Variants in ESPNL observed in about 807,000 individuals in gnomAD.
The protein encoded by ESPNL is espin-like protein.
In ESPNL, 49 loss-of-function variants were observed where a neutral mutation model predicts 46.8. That is an observed-to-expected ratio of 1.05 (90% CI 0.83 to 1.33). The LOEUF is 1.33. Among genes scored for constraint, ESPNL ranks in the 40% most tolerant of loss-of-function variants. ESPNL has a pLI of 0.00. For synonymous variants in ESPNL, 664 were observed against 662.1 expected, an observed-to-expected ratio of 1.00 and a Z score of -0.04; for missense variants, 1,540 against 1,436.6, an observed-to-expected ratio of 1.07 and a Z score of -1.16.
intron 6 of ESPNL, among the ~76,000 whole-genome samples, chr2:238,126,985 C>CTATCTGTGTGTGATTGTG (rs1270299274): frequency 9.3e-6 from 1 of 107,226 alleles, no homozygotes; most frequent in Non-Finnish European, 2.2e-5. Flanking sequence ...GTGATTGTGT[C>CTATCTGTGTGTGATTGTG]TATCTGTGTG....
At position 238,130,981 on chromosome 2, in the gene ESPNL, C is replaced by G; in HGVS notation, c.2267C>G (p.Pro756Arg). The G allele has an allele frequency of 6.5e-7, 1 of 1,548,132 alleles. No individual in the cohort carries two copies. Among genetic ancestry groups the G allele is most frequent in the Admixed American group, 2.0e-5 (1 of 51,218 alleles). Residue 756 changes from proline to arginine, a missense_variant, in exon 9 of 9, where the codon CCG becomes CGG. Coordinates refer to ENST00000343063, the MANE Select transcript of ESPNL (RefSeq NM_194312.4). ...LSHWRRSAYT[P>R]ALKTVACRTL... The stretch of plus-strand genomic sequence containing the variant: ...CACTGGAGGAGATCGGCCTACACGC[C>G]GGCCCTCAAGACAGTGGCCTGCAGG...
Position 238,128,346 on chromosome 2 carries a change from C to T in ESPNL, c.1216-361C>T, listed in dbSNP as rs115738358. ...CAAGCCCTCCGCGGCACAGGATTGGCTGCCAGGCTTTGTCTATGTAGCTGT... is the reference window on the plus strand; with the variant it reads ...CAAGCCCTCCGCGGCACAGGATTGGTTGCCAGGCTTTGTCTATGTAGCTGT... On this transcript the variant is annotated intron_variant, in intron 7 of 8. Transcript: ENST00000343063. Among the ~76,000 whole-genome samples, 336 of 152,340 alleles carry T rather than the reference C, an allele frequency of 2.2e-3. 2 individuals are homozygous for T. The highest frequency in any genetic ancestry group is 7.9e-3 in the African/African-American group (328 of 41,578).
chr2:238,108,983 A>G (rs1691660982), intron 4 of ESPNL, among the ~76,000 whole-genome samples: 1 of 151,910 alleles, frequency 6.6e-6, no homozygotes, highest in Non-Finnish European at 1.5e-5. Context: ...GAGGCCCCCC[A>G]GCTACCGCCC....
intron 6 of ESPNL, 179 bp from the exon 7 acceptor site, chr2:238,127,443 C>A (rs1692164582): frequency 7.3e-7 from 1 of 1,369,270 alleles, no homozygotes. Context: ...CCCACTGACT[C>A]CCCAGAGAAG....
chr2:238,109,533 T>C (rs529242532), intron 4 of ESPNL, among the ~76,000 whole-genome samples: 43 of 152,244 alleles, frequency 2.8e-4, no homozygotes, highest in African/African-American at 1.0e-3. Flanking sequence ...TAAAAAAATT[T>C]TGTAGAGATG....
At chr2:238,121,185 G>T (rs1691980104) in intron 5 of ESPNL, among the ~76,000 whole-genome samples, 1 of 152,198 alleles carries the variant, frequency 6.6e-6, no homozygotes, top group South Asian at 2.1e-4. Context: ...TGCCCTCGAG[G>T]CAGGCCCCCT....
rs564412730 is a variant in ESPNL at position 238,104,816 on chromosome 2, G to A, written c.646G>A (p.Gly216Ser). 10 of 1,548,560 alleles carry A rather than the reference G, an allele frequency of 6.5e-6. No homozygotes were observed. The East Asian group carries it at 2.2e-4, about 34-fold the overall frequency. Reference sequence around the variant, plus strand: ...CGCCCTGCACGCTGCCGCCGCCCGTGGCCACTACTCCCTCGTCGTCTGGCT... The same window carrying A: ...CGCCCTGCACGCTGCCGCCGCCCGTAGCCACTACTCCCTCGTCGTCTGGCT... The part of the protein sequence containing the change: ...MSALHAAAAR[G>S]HYSLVVWLVT... Residue 216 changes from glycine (G) to serine (S), a missense_variant, in exon 3 of 9, where the codon GGC becomes AGC. Coordinates refer to ENST00000343063, the MANE Select transcript of ESPNL (RefSeq NM_194312.4).
At chr2:238,111,288 A>T (rs1045286694) in intron 4 of ESPNL, among the ~76,000 whole-genome samples, 35 of 152,304 alleles carry the variant, frequency 2.3e-4, no homozygotes, top group Admixed American at 1.2e-3. Flanking sequence ...AATTGTGATT[A>T]AAAAATACGT....
chr2:238,116,767 T>A, intron 4 of ESPNL, 136 bp from the exon 5 acceptor site: 1 of 1,189,530 alleles, frequency 8.4e-7, no homozygotes, highest in Non-Finnish European at 1.2e-6. Flanking sequence ...ACGGCCCAGA[T>A]TCAAGTCCTG....
At chr2:238,107,745 C>T (rs1240894539) in intron 3 of ESPNL, 46 bp from the exon 4 acceptor site, 1 of 1,510,036 alleles carries the variant, frequency 6.6e-7, no homozygotes. Context: ...CTCTGTGTGC[C>T]TCCTCCCTGG....
intron 1 of ESPNL, 79 bp from the exon 2 acceptor site, chr2:238,101,862 C>G: frequency 9.2e-7 from 1 of 1,089,608 alleles, no homozygotes; most frequent in Non-Finnish European, 1.3e-6. Flanking sequence ...TGTGAGCCCT[C>G]GCCCAGGGCC....
In ESPNL at chr2:238,100,669, G is replaced by A; in HGVS notation, c.250G>A (p.Ala84Thr). The A allele has an allele frequency of 6.9e-7, 1 of 1,448,248 alleles. No homozygotes were observed. The highest frequency in any genetic ancestry group is 9.0e-7 in the Non-Finnish European group (1 of 1,109,046). The allele number at this position is 1,448,248 out of a possible 1,614,324, so 89.7% of individuals were successfully genotyped here. Residue 84 changes from alanine (A) to threonine (T), a missense_variant, in exon 1 of 9, where the codon GCC becomes ACC. Ala to Thr is a moderately conservative substitution (Grantham distance 58, BLOSUM62 0). Transcript: ENST00000343063. The part of the protein sequence containing the change: ...AHDAAATGSL[A>T]ELCWLVREGG... ...TGACGCCGCTGCCACGGGCAGCCTGGCCGAGCTGTGCTGGCTGGTCCGCGA... is the reference window on the plus strand; with the variant it reads ...TGACGCCGCTGCCACGGGCAGCCTGACCGAGCTGTGCTGGCTGGTCCGCGA...
At chr2:238,129,292 G>A in intron 8 of ESPNL, 3 of 1,088,588 alleles carry the variant, frequency 2.8e-6, no homozygotes, top group Non-Finnish European at 2.2e-6. Flanking sequence ...GCAGTTGGGG[G>A]ACTATGATAT....
In ESPNL at chr2:238,104,820, A is replaced by G. The variant is rs1691561025; in HGVS notation, c.650A>G (p.His217Arg). ...CTGCACGCTGCCGCCGCCCGTGGCC[A>G]CTACTCCCTCGTCGTCTGGCTGGTA... is the stretch of plus-strand genomic sequence containing the variant. ...SALHAAAARG[H>R]YSLVVWLVTF... The change falls in exon 3 of 9, where the codon CAC becomes CGC. Residue 217 changes from histidine (H) to arginine (R), a missense_variant. Physicochemically the swap from His to Arg is conservative, Grantham distance 29. Coordinates refer to ENST00000343063, the MANE Select transcript of ESPNL (RefSeq NM_194312.4). 1.9e-6 allele frequency: 3 copies of G among 1,541,576 alleles called. No homozygotes were observed. Among genetic ancestry groups the G allele is most frequent in the African/African-American group, 1.4e-5 (1 of 73,186 alleles).
In ESPNL at chr2:238,130,401, G is replaced by A. The variant is rs541025922; in HGVS notation, c.1687G>A (p.Val563Ile). 285 of 1,610,824 alleles carry A rather than the reference G, an allele frequency of 1.8e-4. 3 individuals are homozygous for A. In the South Asian group the frequency reaches 2.9e-3, roughly 16 times the overall value. The change falls in exon 9 of 9, where the codon GTT becomes ATT. Residue 563 changes from valine (V) to isoleucine (I), a missense_variant. Coordinates refer to ENST00000343063, the MANE Select transcript of ESPNL (RefSeq NM_194312.4). ...CCTGCCCCGGGCGCCCGGACTGGAG[G>A]TTGAGGAGGCCTCAATCCCAGCGGC... ...HFLPRAPGLE[V>I]EEASIPAAEP...
chr2:238,125,209 T>C (rs1018497599), intron 5 of ESPNL, 61 bp from the exon 6 acceptor site: 2 of 740,830 alleles, frequency 2.7e-6, no homozygotes, highest in African/African-American at 1.8e-5. Flanking sequence ...CCTGCCCCTG[T>C]CTAGGTGAGC....
chr2:238,118,362 AATGG>A (rs1691870371), intron 5 of ESPNL, among the ~76,000 whole-genome samples: 1 of 69,672 alleles, frequency 1.4e-5, no homozygotes, highest in African/African-American at 7.0e-5. Flanking sequence ...ATGGAGGAGG[AATGG>A]ATGGAGGAGG....
chr2:238,121,765 C>G (rs1319664854), intron 5 of ESPNL, among the ~76,000 whole-genome samples: 1 of 152,228 alleles, frequency 6.6e-6, no homozygotes, highest in Admixed American at 6.5e-5. Context: ...CCCTGGTGGG[C>G]CCTCCGGACA....
In ESPNL at chr2:238,116,987, C is replaced by A; in HGVS notation, c.940C>A (p.His314Asn). 6.2e-7 allele frequency: 1 copy of A among 1,612,498 alleles called. No individual in the cohort carries two copies. Among genetic ancestry groups the A allele is most frequent in the Non-Finnish European group, 8.5e-7 (1 of 1,179,766 alleles). The part of the protein sequence containing the change: ...GYTAADLAEY[H>N]GHRDCAQYLR... ...CACGGCGGCAGACCTGGCGGAGTAC[C>A]ATGGACACCGGGACTGCGCCCAGTA... The change falls in exon 5 of 9, where the codon CAT (histidine) becomes AAT (asparagine). Residue 314 changes from histidine to asparagine, a missense_variant. Transcript: ENST00000343063.
Sources: allele counts gnomAD v4.1 joint callset (sites outside exome capture counted in the v4.1 genomes callset), GRCh38; gene constraint gnomAD v4.1.1; transcripts MANE v1.5; gene names NCBI Gene and HGNC (gene_info 2026-07-23, HGNC 2026-07-21).